BANK1: variants seen among roughly 807,000 people sequenced by gnomAD.
BANK1 encodes the protein B cell scaffold protein with ankyrin repeats 1, also known as B-cell scaffold protein with ankyrin repeats.
BANK1 carries 95 observed loss-of-function variants against 94.5 expected under a neutral mutation model. That is an observed-to-expected ratio of 1.00 (90% CI 0.85 to 1.19). The LOEUF (loss-of-function observed/expected upper bound fraction) is 1.19. BANK1 is among the 50% of genes most tolerant of loss of function. BANK1 has a pLI of 0.00. For synonymous variants in BANK1, 334 were observed against 308.4 expected (o/e 1.08, Z -0.87); for missense variants, 987 against 932.2 (o/e 1.06, Z -0.77).
chr4:101,943,054 G>A (rs1389023706), intron 7 of BANK1, among the ~76,000 whole-genome samples: 1 of 151,926 alleles, frequency 6.6e-6, no homozygotes, highest in Non-Finnish European at 1.5e-5. Flanking sequence ...GAGGAGTAAA[G>A]AATGGACCTT....
intron 5 of BANK1, among the ~76,000 whole-genome samples, chr4:101,885,266 C>T (rs1464934910): frequency 1.3e-5 from 2 of 152,204 alleles, no homozygotes; most frequent in African/African-American, 4.8e-5. Context: ...TCTGCTCCAA[C>T]ATTTCAATGG....
chr4:102,042,860 T>G (rs951226001), intron 10 of BANK1, among the ~76,000 whole-genome samples: 2 of 151,968 alleles, frequency 1.3e-5, no homozygotes, highest in Non-Finnish European at 2.9e-5. Flanking sequence ...ATAATAGTTA[T>G]GGAGGGGAAG....
intron 6 of BANK1, among the ~76,000 whole-genome samples, chr4:101,897,981 TA>T (rs200727422): frequency 0.025 from 3,806 of 150,998 alleles, 57 homozygotes; most frequent in South Asian, 0.044. Context: ...ATTATAAAAT[TA>T]AAAAAAAACT....
chr4:101,918,187 TC>T lies in BANK1; in HGVS notation c.1205del (p.Ser402Ter). 6.4e-7 allele frequency: 1 copy of T among 1,558,606 alleles called. No individual in the cohort carries two copies. Among genetic ancestry groups the T allele is most frequent in the Admixed American group, 1.9e-5 (1 of 53,822 alleles). ...ACTCAAGAAAATCTTCGAAGACTTT[TC>T]AGTAAGTTTTTTTTTTAAATTATAT... The part of the protein sequence containing the change: ...KELKKIFEDF[S>X]IQEIDINNEQ... On this transcript the variant is annotated frameshift_variant and splice_region_variant, in exon 7 of 17. Coordinates refer to ENST00000322953, the MANE Select transcript of BANK1 (RefSeq NM_017935.5). LOFTEE classifies it high-confidence loss of function.
chr4:102,060,361 G>GA lies in BANK1; in HGVS notation c.2125dup (p.Ser709LysfsTer30), dbSNP rs1728377309. On this transcript the variant is annotated frameshift_variant, in exon 12 of 17. Transcript: ENST00000322953. LOFTEE classifies it high-confidence loss of function. ...GAGAAATTTAAACACTGGCAGATGG[G>GA]AAAAAGTGGCCTGGAAATGATTCAG... The GA allele has an allele frequency of 6.2e-7, 1 of 1,608,672 alleles. No individual in the cohort carries two copies. Among genetic ancestry groups the GA allele is most frequent in the Admixed American group, 1.7e-5 (1 of 59,010 alleles).
chr4:102,004,963 C>G (rs906022544), intron 7 of BANK1, among the ~76,000 whole-genome samples: 3 of 152,006 alleles, frequency 2.0e-5, no homozygotes, highest in African/African-American at 7.2e-5. Context: ...ATGTGATCTC[C>G]TACATAGACA....
chr4:101,986,861 A>ATGTG (rs1725509351), intron 7 of BANK1, among the ~76,000 whole-genome samples: 1 of 49,906 alleles, frequency 2.0e-5, no homozygotes, highest in African/African-American at 7.8e-5. Context: ...ATATGTATAT[A>ATGTG]TATATGTGTG....
chr4:101,924,797 G>A (rs746308741), intron 7 of BANK1, among the ~76,000 whole-genome samples: 5 of 151,646 alleles, frequency 3.3e-5, no homozygotes, highest in East Asian at 2.0e-4. Context: ...CCAATTTCTC[G>A]AATAAGCATA....
intron 5 of BANK1, among the ~76,000 whole-genome samples, chr4:101,880,670 T>G (rs1430853808): frequency 6.6e-6 from 1 of 152,036 alleles, no homozygotes; most frequent in Non-Finnish European, 1.5e-5. Flanking sequence ...TAACTTCAAA[T>G]ATACTACAGA....
intron 5 of BANK1, among the ~76,000 whole-genome samples, chr4:101,887,669 A>G (rs1221308538): frequency 6.6e-6 from 1 of 152,222 alleles, no homozygotes; most frequent in Non-Finnish European, 1.5e-5. Flanking sequence ...TCTTCATGTA[A>G]TAATACCACT....
chr4:102,068,205 G>A (rs1193154568), intron 13 of BANK1, among the ~76,000 whole-genome samples: 3 of 151,986 alleles, frequency 2.0e-5, no homozygotes, highest in Non-Finnish European at 4.4e-5. Context: ...AAAGGGAAAT[G>A]TATTACTATA....
intron 7 of BANK1, among the ~76,000 whole-genome samples, chr4:101,985,962 A>G (rs947657292): frequency 1.3e-5 from 2 of 152,188 alleles, no homozygotes; most frequent in Admixed American, 1.3e-4. Flanking sequence ...AGAGAACTGC[A>G]TTCCGAAAGC....
At chr4:101,867,176 T>TAAAAAAAAAA (rs754806525) in intron 4 of BANK1, among the ~76,000 whole-genome samples, 1 of 33,376 alleles carries the variant, frequency 3.0e-5, no homozygotes, top group African/African-American at 1.9e-4. Context: ...AAAAAAAATT[T>TAAAAAAAAAA]AAAAAAAAAA....
intron 7 of BANK1, among the ~76,000 whole-genome samples, chr4:101,994,480 T>G (rs1318416799): frequency 1.3e-5 from 2 of 152,216 alleles, no homozygotes; most frequent in African/African-American, 4.8e-5. Flanking sequence ...ATTATTTGTT[T>G]TCCTAATTAA....
At chr4:101,862,339 A>G (rs926674519) in intron 3 of BANK1, among the ~76,000 whole-genome samples, 187 bp from the exon 4 acceptor site, 2 of 152,120 alleles carry the variant, frequency 1.3e-5, no homozygotes, top group Admixed American at 6.5e-5. Context: ...AAGAAATTTG[A>G]TACTATTTAA....
At chr4:101,821,419 A>C (rs1186927824) in intron 1 of BANK1, among the ~76,000 whole-genome samples, 1 of 152,066 alleles carries the variant, frequency 6.6e-6, no homozygotes, top group Non-Finnish European at 1.5e-5. Context: ...TTCACTGTTG[A>C]TACTTTCTTT....
chr4:101,841,640 T>TATA (rs1274102900), intron 2 of BANK1, among the ~76,000 whole-genome samples: 9 of 138,820 alleles, frequency 6.5e-5, no homozygotes. Context: ...TTATTATTAT[T>TATA]ATACTTTAAG....
chr4:102,067,617 G>A (rs532258833), intron 13 of BANK1, among the ~76,000 whole-genome samples: 10 of 151,836 alleles, frequency 6.6e-5, no homozygotes, highest in South Asian at 2.1e-4. Flanking sequence ...AAGATAGAGC[G>A]ATTCTAAATA....
chr4:101,863,838 A>G (rs1727972035), intron 4 of BANK1, among the ~76,000 whole-genome samples: 1 of 152,174 alleles, frequency 6.6e-6, no homozygotes, highest in Non-Finnish European at 1.5e-5. Flanking sequence ...TTCAGAATTT[A>G]AATTTAGTTA....
Sources: gnomAD v4.1 joint callset for allele counts (sites outside exome capture counted in the v4.1 genomes callset) on GRCh38, gnomAD v4.1.1 for gene constraint, MANE v1.5 for transcripts, NCBI Gene and HGNC (gene_info 2026-07-23, HGNC 2026-07-21) for gene names.